The following GALC variants were observed in gnomAD, a reference collection of about 807,000 sequenced individuals.
GALC encodes the protein galactocerebrosidase.
Under a neutral mutation model 91.8 loss-of-function variants are expected in GALC, and 77 were observed. That is an observed-to-expected ratio of 0.84 (90% CI 0.70 to 1.01). The LOEUF (loss-of-function observed/expected upper bound fraction) is 1.01, where lower values mean the gene tolerates loss of function less well. GALC is among the 50% of genes least tolerant of loss of function. GALC has a pLI of 0.00. For missense variants in GALC, 882 were observed against 855.9 expected, an observed-to-expected ratio of 1.03 and a Z score of -0.38; for synonymous variants, 357 against 306.7, an observed-to-expected ratio of 1.16 and a Z score of -1.71.
chr14:87,968,831 C>T (rs1258667379), intron 7 of GALC, among the ~76,000 whole-genome samples: 3 of 152,086 alleles, frequency 2.0e-5, no homozygotes, highest in Admixed American at 2.0e-4. Flanking sequence ...CAGAGAGGGC[C>T]ACAGCCTAGA....
chr14:87,969,923 T>C (rs2140004315), intron 7 of GALC, among the ~76,000 whole-genome samples: 1 of 152,226 alleles, frequency 6.6e-6, no homozygotes, highest in South Asian at 2.1e-4. Flanking sequence ...ACTAAGATTT[T>C]ACTGAGTCAC....
chr14:87,982,070 C>A, intron 6 of GALC, 135 bp downstream of exon 6: 1 of 515,546 alleles, frequency 1.9e-6, no homozygotes, highest in Non-Finnish European at 3.5e-6. Flanking sequence ...TATGTCACAA[C>A]CAGCAAAATA....
chr14:87,991,482 G>A (rs1399796263), intron 1 of GALC, among the ~76,000 whole-genome samples: 1 of 152,192 alleles, frequency 6.6e-6, no homozygotes, highest in Non-Finnish European at 1.5e-5. Flanking sequence ...GATTACAGGC[G>A]TGAGCCACCG....
rs185923024 is a variant in GALC, at chr14:87,955,101, C to T, written c.1162-4353G>A. On this transcript the variant is annotated intron_variant, in intron 10 of 16. Transcript: ENST00000261304. ...AACCTTGTGTATCAAAGATTCAGAG[C>T]CTTTTTGTGTTAGATGAAAGCAGCT... is the stretch of plus-strand genomic sequence containing the variant. 4 of 1,353,382 alleles carry T rather than the reference C, an allele frequency of 3.0e-6. No homozygotes were observed. The Admixed American group carries it at 6.7e-5, about 23-fold the overall frequency. 83.8% of individuals were successfully genotyped at this position (1,353,382 alleles called of 1,614,324 possible). A position where few individuals can be genotyped will look rare whatever the true frequency, so the allele number is the denominator to read the frequency against.
intron 14 of GALC, among the ~76,000 whole-genome samples, chr14:87,942,880 G>A (rs1884917505): frequency 6.6e-6 from 1 of 152,010 alleles, no homozygotes; most frequent in Admixed American, 6.6e-5. Context: ...TGACATCAGA[G>A]GGAGTTTTCT....
intron 1 of GALC, chr14:87,989,749 A>G (rs1051191547): frequency 3.3e-5 from 5 of 152,184 alleles, no homozygotes; most frequent in Non-Finnish European, 7.3e-5. Flanking sequence ...CTTCCATGCT[A>G]CTTACGAGAG....
chr14:87,962,316 T>C (rs1214931666), intron 10 of GALC, among the ~76,000 whole-genome samples: 2 of 152,038 alleles, frequency 1.3e-5, no homozygotes, highest in Non-Finnish European at 2.9e-5. Flanking sequence ...TACGATGAAG[T>C]GTAGATTCTG....
intron 10 of GALC, chr14:87,953,191 C>CTTAAAA: frequency 1.3e-6 from 2 of 1,500,192 alleles, no homozygotes; most frequent in South Asian, 2.3e-5. Flanking sequence ...GGTCTCAGAC[C>CTTAAAA]TTAAAATGTC....
At position 87,983,522 on chromosome 14, in the gene GALC, G is replaced by A. The variant is rs151159383; in HGVS notation, c.582+872C>T. Among the ~76,000 whole-genome samples, 44 of 152,220 alleles carry A rather than the reference G, an allele frequency of 2.9e-4. No homozygotes were observed. The East Asian group carries it at 8.3e-3, about 29-fold the overall frequency. On this transcript the variant is annotated intron_variant, in intron 5 of 16. Coordinates refer to ENST00000261304, the MANE Select transcript of GALC (RefSeq NM_000153.4). Reference sequence around the variant, plus strand: ...ACACAAGAGCTTATTAATCTTAGTAGCCCTCAAATATTACAGTCACAGTTC... The same window carrying A: ...ACACAAGAGCTTATTAATCTTAGTAACCCTCAAATATTACAGTCACAGTTC...
In GALC at chr14:87,933,752, A is replaced by G; in HGVS notation, c.*980T>C. ...TACAACATGATGAACACGCTCACGT[A>G]TATTTAAATATAAACATATTTGGAC... On this transcript the variant is annotated 3_prime_UTR_variant, in exon 17 of 17. Transcript: ENST00000261304. 1 of 481,038 alleles carries G rather than the reference A, an allele frequency of 2.1e-6. No homozygotes were observed. Among genetic ancestry groups the G allele is most frequent in the Non-Finnish European group, 3.7e-6 (1 of 270,974 alleles). 29.8% of individuals were successfully genotyped at this position (481,038 alleles called of 1,614,324 possible).
chr14:87,953,173 G>C, intron 10 of GALC: 2 of 1,473,514 alleles, frequency 1.4e-6, no homozygotes, highest in East Asian at 2.3e-5. Flanking sequence ...TGAAGCAGCA[G>C]TTAGGAAGGT....
intron 8 of GALC, among the ~76,000 whole-genome samples, chr14:87,966,255 C>T (rs938321146): frequency 6.6e-6 from 1 of 152,108 alleles, no homozygotes; most frequent in African/African-American, 2.4e-5. Context: ...AATATGATTC[C>T]ACTTCATCTA....
intron 14 of GALC, 64 bp from the exon 15 acceptor site, chr14:87,941,622 T>C (rs1884859784): frequency 2.7e-6 from 3 of 1,121,000 alleles, no homozygotes; most frequent in East Asian, 2.4e-5. Flanking sequence ...AGTACAGATA[T>C]GTCATTTCAC....
chr14:87,984,699 C>T (rs1390616728), intron 4 of GALC, among the ~76,000 whole-genome samples, 166 bp from the exon 5 acceptor site: 3 of 152,178 alleles, frequency 2.0e-5, no homozygotes, highest in Admixed American at 6.5e-5. Context: ...GAAATCCTTT[C>T]CAATCTATAG....
intron 1 of GALC, chr14:87,992,625 C>A: frequency 6.9e-7 from 1 of 1,449,658 alleles, no homozygotes; most frequent in South Asian, 1.4e-5. Flanking sequence ...ACTGCCATCT[C>A]CGCGATGAAG....
chr14:87,964,147 A>G (rs1446098458), intron 9 of GALC, among the ~76,000 whole-genome samples: 3 of 152,096 alleles, frequency 2.0e-5, no homozygotes, highest in Non-Finnish European at 4.4e-5. Context: ...GTCTAACCTT[A>G]GTTTTCTCAT....
intron 10 of GALC, chr14:87,954,044 C>G (rs1000206216): frequency 5.6e-6 from 9 of 1,609,564 alleles, no homozygotes; most frequent in African/African-American, 4.0e-5. Flanking sequence ...AATGGGTTGG[C>G]GAGACAGTAC....
At chr14:87,946,194 C>T (rs183744143) in intron 13 of GALC, among the ~76,000 whole-genome samples, 1 of 152,132 alleles carries the variant, frequency 6.6e-6, no homozygotes, top group East Asian at 1.9e-4. Flanking sequence ...ATCTGTCAAG[C>T]AAGGTTCCAA....
intron 5 of GALC, among the ~76,000 whole-genome samples, chr14:87,982,771 T>C (rs974775616): frequency 2.6e-5 from 4 of 152,326 alleles, no homozygotes; most frequent in African/African-American, 7.2e-5. Context: ...TTTAGAGTCA[T>C]GAAGCATGGG....
Sources: allele counts gnomAD v4.1 joint callset (sites outside exome capture counted in the v4.1 genomes callset), GRCh38; gene constraint gnomAD v4.1.1; transcripts MANE v1.5; gene names NCBI Gene and HGNC (gene_info 2026-07-23, HGNC 2026-07-21).